Variants in TBC1D4 observed in about 807,000 individuals in gnomAD.
The protein encoded by TBC1D4 is TBC (Tre-2, BUB2, CDC16) domain-containing protein.
A neutral mutation model predicts 142.5 loss-of-function variants in TBC1D4; 121 were observed. The ratio of observed to expected loss-of-function variants is 0.85; its 90% CI spans 0.73 to 0.99. TBC1D4 has a LOEUF of 0.99. TBC1D4 is among the 50% of genes least tolerant of loss of function. The pLI is 0.00. For missense variants in TBC1D4, 1,475 were observed against 1,606.6 expected, an observed-to-expected ratio of 0.92 and a Z score of 1.40; for synonymous variants, 630 against 628.2, an observed-to-expected ratio of 1.00 and a Z score of -0.04.
At chr13:75,402,654 A>AACACACACAC (rs56176942) in intron 1 of TBC1D4, among the ~76,000 whole-genome samples, 3,938 of 142,378 alleles carry the variant, frequency 0.028, 82 homozygotes, top group Non-Finnish European at 0.028. Flanking sequence ...ATCCCTAGTA[A>AACACACACAC]ACACACACAC....
At chr13:75,396,044 T>C (rs946010222) in intron 1 of TBC1D4, among the ~76,000 whole-genome samples, 1 of 152,158 alleles carries the variant, frequency 6.6e-6, no homozygotes, top group African/African-American at 2.4e-5. Context: ...CTGCTATTAA[T>C]GTAGCTCCTG....
rs1053080499 is a variant in TBC1D4 at position 75,415,037 on chromosome 13, T to A, written c.499-52430A>T. Reference sequence around the variant, plus strand: ...TACTTGGGAGGCTGAGGCAAGAGAATCGCTTGAACCCAGGAGGTGGAGGTT... The same window carrying A: ...TACTTGGGAGGCTGAGGCAAGAGAAACGCTTGAACCCAGGAGGTGGAGGTT... On this transcript the variant is annotated intron_variant, in intron 1 of 20. Transcript: ENST00000377636. Among the ~76,000 whole-genome samples, 4 of 150,084 alleles carry A rather than the reference T, an allele frequency of 2.7e-5. No homozygotes were observed. In the East Asian group the frequency reaches 7.9e-4, roughly 30 times the overall value.
intron 1 of TBC1D4, among the ~76,000 whole-genome samples, chr13:75,404,008 A>G (rs2138363312): frequency 6.6e-6 from 1 of 151,680 alleles, no homozygotes; most frequent in Non-Finnish European, 1.5e-5. Flanking sequence ...ATTTATATAT[A>G]TAGGTGGTGT....
chr13:75,332,982 T>C (rs1338445531), intron 8 of TBC1D4, among the ~76,000 whole-genome samples: 1 of 152,266 alleles, frequency 6.6e-6, no homozygotes. Context: ...CTTATAATGC[T>C]ACTAAGGTTA....
intron 1 of TBC1D4, among the ~76,000 whole-genome samples, chr13:75,390,397 C>T (rs548920443): frequency 6.6e-6 from 1 of 152,000 alleles, no homozygotes; most frequent in Admixed American, 6.6e-5. Context: ...AAGACTACAT[C>T]CAGAGTGATT....
rs1453289417 is a variant in TBC1D4, at chr13:75,310,104, T to C, written c.2431A>G (p.Thr811Ala). 1 of 1,614,044 alleles carries C rather than the reference T, an allele frequency of 6.2e-7. No homozygotes were observed. Among genetic ancestry groups the C allele is most frequent in the Non-Finnish European group, 8.5e-7 (1 of 1,179,968 alleles). The change falls in exon 14 of 21, where the codon ACC becomes GCC. Residue 811 changes from threonine (T) to alanine (A), a missense_variant. Coordinates refer to ENST00000377636, the MANE Select transcript of TBC1D4 (RefSeq NM_014832.5). ...ACAACCAGCGGTTCCTCCTCCATGG[T>C]TGGAGAGAGGGGGGACAGTGGCAGC... ...ELLPLSPLSP[T>A]MEEEPLVVFL...
intron 1 of TBC1D4, among the ~76,000 whole-genome samples, chr13:75,417,816 T>C (rs1593864399): frequency 6.6e-6 from 1 of 152,244 alleles, no homozygotes; most frequent in East Asian, 1.9e-4. Flanking sequence ...CCTTTTAGTT[T>C]CAACTCTACT....
At chr13:75,412,596 T>A (rs570198024) in intron 1 of TBC1D4, among the ~76,000 whole-genome samples, 1 of 152,140 alleles carries the variant, frequency 6.6e-6, no homozygotes, top group African/African-American at 2.4e-5. Context: ...TGAGCCACCA[T>A]GCCCAGCTAA....
chr13:75,424,806 C>A (rs1410952680), intron 1 of TBC1D4, among the ~76,000 whole-genome samples: 1 of 152,130 alleles, frequency 6.6e-6, no homozygotes, highest in Non-Finnish European at 1.5e-5. Flanking sequence ...AACTGGATAT[C>A]CACATGCAGA....
intron 1 of TBC1D4, among the ~76,000 whole-genome samples, chr13:75,388,996 G>T (rs1452698655): frequency 6.6e-6 from 1 of 152,180 alleles, no homozygotes; most frequent in Admixed American, 6.5e-5. Context: ...GCATAAAGTG[G>T]TTTACTGATA....
intron 8 of TBC1D4, among the ~76,000 whole-genome samples, chr13:75,333,459 G>C (rs989376835): frequency 1.3e-5 from 2 of 152,120 alleles, no homozygotes; most frequent in African/African-American, 4.8e-5. Flanking sequence ...GGTTTAAAAC[G>C]ATCACTTTGT....
chr13:75,358,556 G>A (rs750045950), intron 3 of TBC1D4, among the ~76,000 whole-genome samples: 2 of 152,082 alleles, frequency 1.3e-5, no homozygotes, highest in Non-Finnish European at 2.9e-5. Context: ...CAATTAAGGT[G>A]TACAAAAACT....
chr13:75,440,559 A>T (rs1416939390), intron 1 of TBC1D4, among the ~76,000 whole-genome samples: 4 of 150,934 alleles, frequency 2.7e-5, no homozygotes, highest in Non-Finnish European at 4.4e-5. Context: ...CTATTTTTTA[A>T]AAAAAAAATT....
chr13:75,288,240 A>G (rs570649147), intron 20 of TBC1D4, among the ~76,000 whole-genome samples: 1 of 152,176 alleles, frequency 6.6e-6, no homozygotes, highest in East Asian at 1.9e-4. Context: ...ATTTTAGTCT[A>G]GACAACTCTC....
At position 75,362,332 on chromosome 13, in the gene TBC1D4, C is replaced by A; in HGVS notation, c.774G>T (p.Val258=). Residue 258 remains valine (V), a synonymous_variant, in exon 2 of 21, where the codon GTG becomes GTT. Transcript: ENST00000377636. This position sits in a 1 kb window ranked among gnomAD's most constrained non-coding sequence, Gnocchi z 4.2. ...PGEDLADLEV[V]VPGSPGDCLP... Reference sequence around the variant, plus strand: ...GGCAGTCTCCGGGGGACCCGGGCACCACCACCTCCAAGTCAGCCAGGTCCT... The same window carrying A: ...GGCAGTCTCCGGGGGACCCGGGCACAACCACCTCCAAGTCAGCCAGGTCCT... 6.2e-7 allele frequency: 1 copy of A among 1,614,112 alleles called. No homozygotes were observed. Among genetic ancestry groups the A allele is most frequent in the East Asian group, 2.2e-5 (1 of 44,890 alleles).
intron 1 of TBC1D4, among the ~76,000 whole-genome samples, chr13:75,407,752 T>C (rs1048006323): frequency 9.9e-5 from 15 of 151,474 alleles, no homozygotes; most frequent in African/African-American, 2.9e-4. Flanking sequence ...AGTTAGTGAG[T>C]AGAAGTGCCC....
At chr13:75,319,599 G>C (rs1025870154) in intron 12 of TBC1D4, among the ~76,000 whole-genome samples, 1 of 152,182 alleles carries the variant, frequency 6.6e-6, no homozygotes, top group African/African-American at 2.4e-5. Flanking sequence ...TCAGTTGAAA[G>C]GCAGATTCAA....
At chr13:75,420,104 T>C (rs993015347) in intron 1 of TBC1D4, among the ~76,000 whole-genome samples, 2 of 152,114 alleles carry the variant, frequency 1.3e-5, no homozygotes, top group African/African-American at 2.4e-5. Flanking sequence ...AGAGACAGAA[T>C]AGGCCAAAGA....
chr13:75,305,660 T>C (rs1269775588), intron 15 of TBC1D4, among the ~76,000 whole-genome samples: 1 of 152,232 alleles, frequency 6.6e-6, no homozygotes, highest in Non-Finnish European at 1.5e-5. Context: ...TTTGGAATTT[T>C]TATTTTACAC....
Sources: allele counts gnomAD v4.1 joint callset (sites outside exome capture counted in the v4.1 genomes callset), GRCh38; gene constraint gnomAD v4.1.1; non-coding constraint Gnocchi (gnomAD v3.1); transcripts MANE v1.5; gene names NCBI Gene and HGNC (gene_info 2026-07-23, HGNC 2026-07-21).